Variants in LMF1 observed in about 807,000 individuals in gnomAD.
LMF1 encodes the protein lipase maturation factor 1, also known as transmembrane protein 112.
LMF1 carries 68 observed loss-of-function variants against 60.6 expected under a neutral mutation model. That is an observed-to-expected ratio of 1.12 (90% CI 0.92 to 1.37). LMF1 has a LOEUF of 1.37. LMF1 is among the 40% of genes most tolerant of loss of function. The pLI, the probability that LMF1 is intolerant of heterozygous loss-of-function variation, is 0.00. For missense variants in LMF1, 948 were observed against 767.2 expected (o/e 1.24, Z -2.78); for synonymous variants, 418 against 324.7 (o/e 1.29, Z -3.09).
At chr16:949,412 A>G (rs1388749160) in intron 2 of LMF1, among the ~76,000 whole-genome samples, 14 of 150,654 alleles carry the variant, frequency 9.3e-5, no homozygotes, top group Middle Eastern at 3.5e-3. Context: ...GTCAGCCAAC[A>G]ACAGTCAGCC....
chr16:918,887 CCTGA>C (rs2071353851), intron 3 of LMF1, among the ~76,000 whole-genome samples: 1 of 152,170 alleles, frequency 6.6e-6, no homozygotes, highest in Non-Finnish European at 1.5e-5. Flanking sequence ...TGGGGTGCAC[CCTGA>C]CTCTCAGCCA....
Position 878,216 on chromosome 16 carries a change from C to T in LMF1, c.897+1354G>A, listed in dbSNP as rs943790001. ...CTGAGCAGCTGCAGAGAGAAACGTG[C>T]GGTCCTGGCTGGGGGACGATCTGTG... On this transcript the variant is annotated intron_variant, in intron 6 of 10. Transcript: ENST00000262301. This position sits in a 1 kb window ranked among gnomAD's most constrained non-coding sequence, Gnocchi z 5.2. 1.1e-4 allele frequency among the ~76,000 whole-genome samples: 16 copies of T among 152,174 alleles called. No homozygotes were observed. Among genetic ancestry groups the T allele is most frequent in the Admixed American group, 2.0e-4 (3 of 15,284 alleles).
intron 10 of LMF1, among the ~76,000 whole-genome samples, chr16:863,436 CCAACCTCTTTTTT>C (rs1160697951): frequency 1.4e-5 from 2 of 146,860 alleles, no homozygotes; most frequent in Admixed American, 6.6e-5. Context: ...GCCACCACAC[CCAACCTCTTTTTT>C]CATCTTTGAT....
At chr16:952,436 G>A (rs2072499769) in intron 2 of LMF1, 1 of 152,268 alleles carries the variant, frequency 6.6e-6, no homozygotes, top group Admixed American at 6.5e-5. Context: ...GGAGCCACAG[G>A]CGCTGTGCTG....
intron 2 of LMF1, among the ~76,000 whole-genome samples, chr16:936,652 C>T (rs184492661): frequency 1.3e-5 from 2 of 152,270 alleles, no homozygotes; most frequent in African/African-American, 4.8e-5. Flanking sequence ...ACACTCCCTG[C>T]CCCCCTTTCC....
chr16:914,253 G>A (rs868279188), intron 3 of LMF1, among the ~76,000 whole-genome samples: 4 of 152,066 alleles, frequency 2.6e-5, no homozygotes, highest in African/African-American at 4.8e-5. Flanking sequence ...ACGTCTCCAC[G>A]TTGAAGGGGG....
chr16:883,539 TAA>T (rs2070225604), intron 5 of LMF1, among the ~76,000 whole-genome samples: 1 of 152,196 alleles, frequency 6.6e-6, no homozygotes, highest in Admixed American at 6.5e-5. Flanking sequence ...GAAACCAAAG[TAA>T]AAGTCTTTCT....
chr16:957,404 C>T (rs1052357666), intron 1 of LMF1, among the ~76,000 whole-genome samples: 2 of 152,070 alleles, frequency 1.3e-5, no homozygotes, highest in African/African-American at 4.8e-5. Context: ...ACGGAATCTG[C>T]ACATGGAAAA....
intron 3 of LMF1, chr16:933,928 G>A (rs947211112): frequency 5.4e-5 from 73 of 1,351,140 alleles, no homozygotes; most frequent in Admixed American, 1.1e-4. Flanking sequence ...AGCCTTGAGC[G>A]TCCACGGGGG....
chr16:930,883 G>A lies in LMF1; in HGVS notation c.514+3361C>T, dbSNP rs141217660. Among the ~76,000 whole-genome samples, 573 of 152,374 alleles carry A rather than the reference G, an allele frequency of 3.8e-3. 4 individuals are homozygous for A. The highest frequency in any genetic ancestry group is 0.013 in the African/African-American group (522 of 41,592). On this transcript the variant is annotated intron_variant, in intron 3 of 10. Transcript: ENST00000262301. ...TGCCTGTAATCCCAGCACTTTGGGA[G>A]GCTGAGGTGGGCGGGTTACCTGAGG...
At chr16:887,513 G>A (rs969889736) in intron 5 of LMF1, among the ~76,000 whole-genome samples, 3 of 152,168 alleles carry the variant, frequency 2.0e-5, no homozygotes, top group Non-Finnish European at 4.4e-5. Context: ...GCTTCTGTCA[G>A]CAAGGCTGCT....
Position 970,844 on chromosome 16 carries a change from G to C in LMF1, c.137C>G (p.Thr46Arg), listed in dbSNP as rs974624219. ...GATCCGGGTCAGCCAGAAGGTGCCC[G>C]TGTGGAGATGGGCCGGAGAGCCTGC... is the stretch of plus-strand genomic sequence containing the variant. Reference protein sequence around the residue: ...GPAGSPAHLHTGTFWLTRIVL... With the variant: ...GPAGSPAHLHRGTFWLTRIVL... Residue 46 changes from threonine to arginine, a missense_variant, in exon 1 of 11, where the codon ACG (threonine) becomes AGG (arginine). Coordinates refer to ENST00000262301, the MANE Select transcript of LMF1 (RefSeq NM_022773.4). 3.2e-6 allele frequency: 5 copies of C among 1,553,958 alleles called. No individual in the cohort carries two copies. Among genetic ancestry groups the C allele is most frequent in the Non-Finnish European group, 4.3e-6 (5 of 1,150,694 alleles).
intron 4 of LMF1, among the ~76,000 whole-genome samples, chr16:896,257 C>T (rs959730808): frequency 3.5e-4 from 53 of 151,606 alleles, no homozygotes; most frequent in Non-Finnish European, 6.0e-4. Flanking sequence ...GGTCCACACA[C>T]ACGCCTCGGA....
At chr16:949,290 C>G (rs1367258491) in intron 2 of LMF1, among the ~76,000 whole-genome samples, 5 of 135,354 alleles carry the variant, frequency 3.7e-5, no homozygotes, top group Non-Finnish European at 3.2e-5. Context: ...CAGAGTCAGC[C>G]AATGACAGAG....
chr16:858,612 GC>G (rs750846656), intron 10 of LMF1, among the ~76,000 whole-genome samples: 43 of 53,072 alleles, frequency 8.1e-4, no homozygotes, highest in East Asian at 1.1e-3. Flanking sequence ...GGACGGGTGT[GC>G]AGTGGTGTCT....
chr16:855,435 T>A lies in LMF1; in HGVS notation c.1530-729A>T, dbSNP rs543157004. On this transcript the variant is annotated intron_variant, in intron 10 of 10. Coordinates refer to ENST00000262301, the MANE Select transcript of LMF1 (RefSeq NM_022773.4). ...CAGGCCTGGTTTAGGCCATACTGGGTCTTGGTCCCTGGCTGGCAAGCCCTC... is the reference window on the plus strand; with the variant it reads ...CAGGCCTGGTTTAGGCCATACTGGGACTTGGTCCCTGGCTGGCAAGCCCTC... 1.7e-5 allele frequency: 6 copies of A among 354,162 alleles called. No individual in the cohort carries two copies. The East Asian group carries it at 4.5e-4, about 26-fold the overall frequency. The allele number at this position is 354,162 out of a possible 1,614,324, so 21.9% of individuals were successfully genotyped here.
At chr16:967,396 T>C (rs72769437) in intron 1 of LMF1, among the ~76,000 whole-genome samples, 2,647 of 152,304 alleles carry the variant, frequency 0.017, 42 homozygotes, top group African/African-American at 0.043. Flanking sequence ...TGCTCTGCCC[T>C]CTGTTCCGGT....
chr16:876,818 C>T (rs987314017), intron 6 of LMF1, among the ~76,000 whole-genome samples: 13 of 151,928 alleles, frequency 8.6e-5, no homozygotes, highest in African/African-American at 2.9e-4. Flanking sequence ...GATTGATAAC[C>T]ACTGAGGAAA....
rs556562288 is a variant in LMF1 at position 897,856 on chromosome 16, C to T, written c.664-4784G>A. On this transcript the variant is annotated intron_variant, in intron 4 of 10. Coordinates refer to ENST00000262301, the MANE Select transcript of LMF1 (RefSeq NM_022773.4). This position sits in a 1 kb window ranked among gnomAD's most constrained non-coding sequence, Gnocchi z 4.3. ...CTTCCTGGGATGGTTTCCGCACTTT[C>T]TTGCCCTCATGCAAGAGAGAACTGG... 6.3e-4 allele frequency among the ~76,000 whole-genome samples: 96 copies of T among 152,334 alleles called. No homozygotes were observed. Among genetic ancestry groups the T allele is most frequent in the African/African-American group, 2.3e-3 (94 of 41,564 alleles).
Sources: gnomAD v4.1 joint callset for allele counts (sites outside exome capture counted in the v4.1 genomes callset) on GRCh38, gnomAD v4.1.1 for gene constraint, Gnocchi (gnomAD v3.1) non-coding constraint, MANE v1.5 for transcripts, NCBI Gene and HGNC (gene_info 2026-07-23, HGNC 2026-07-21) for gene names.